Variants in ST6GALNAC3 observed in about 807,000 individuals in gnomAD.
The protein encoded by ST6GALNAC3 is alpha-N-acetylgalactosaminide alpha-2,6-sialyltransferase 3.
ST6GALNAC3 carries 25 observed loss-of-function variants against 32.7 expected under a neutral mutation model. The observed-to-expected ratio is 0.76, with a 90% CI of 0.56 to 1.07. ST6GALNAC3 has a LOEUF of 1.07. Ranked by LOEUF, ST6GALNAC3 falls within the 50% of genes least tolerant of loss-of-function variation. ST6GALNAC3 has a pLI of 0.00. For missense variants in ST6GALNAC3, 355 were observed against 382.4 expected (o/e 0.93, Z 0.60); for synonymous variants, 129 against 133.1 (o/e 0.97, Z 0.21).
intron 2 of ST6GALNAC3, among the ~76,000 whole-genome samples, chr1:76,363,794 A>C (rs906275814): frequency 2.0e-5 from 3 of 152,164 alleles, no homozygotes; most frequent in African/African-American, 7.2e-5. Context: ...GGGAGTTGGC[A>C]CTTCACATGG....
chr1:76,581,487 G>A (rs1459776525), intron 3 of ST6GALNAC3, among the ~76,000 whole-genome samples: 1 of 152,092 alleles, frequency 6.6e-6, no homozygotes, highest in African/African-American at 2.4e-5. Flanking sequence ...CACAGCTGGG[G>A]AGCAATGGTA....
intron 3 of ST6GALNAC3, among the ~76,000 whole-genome samples, chr1:76,537,108 T>A (rs1663659877): frequency 6.6e-6 from 1 of 152,086 alleles, no homozygotes; most frequent in Non-Finnish European, 1.5e-5. Context: ...CTGCAACAAA[T>A]GCAAAAAAAC....
chr1:76,270,037 G>C (rs1658748079), intron 1 of ST6GALNAC3, among the ~76,000 whole-genome samples: 3 of 152,072 alleles, frequency 2.0e-5, no homozygotes, highest in Admixed American at 1.3e-4. Flanking sequence ...GGGATTCATG[G>C]GCATTTGCAT....
chr1:76,193,561 T>A (rs1473291662), intron 1 of ST6GALNAC3, among the ~76,000 whole-genome samples: 1 of 152,166 alleles, frequency 6.6e-6, no homozygotes, highest in African/African-American at 2.4e-5. Flanking sequence ...AAAGCCTTGG[T>A]AGCTGTAGTA....
chr1:76,151,618 C>G (rs906169946), intron 1 of ST6GALNAC3, among the ~76,000 whole-genome samples: 1 of 152,176 alleles, frequency 6.6e-6, no homozygotes, highest in African/African-American at 2.4e-5. Flanking sequence ...CCACTGGGAA[C>G]GTCTGGGAAA....
rs539292763 is a variant in ST6GALNAC3 at position 76,083,369 on chromosome 1, G to A, written c.18+8485G>A. 2.0e-5 allele frequency among the ~76,000 whole-genome samples: 3 copies of A among 152,386 alleles called. No individual in the cohort carries two copies. The South Asian group carries it at 6.2e-4, about 32-fold the overall frequency. On this transcript the variant is annotated intron_variant, in intron 1 of 4. Coordinates refer to ENST00000328299, the MANE Select transcript of ST6GALNAC3 (RefSeq NM_152996.4). ...CGCGGCTGGCCGCGACAATGGGCTG[G>A]ACTCGAAAGAAAGAGAAGTGAAAGT...
chr1:76,343,136 A>T (rs558834568), intron 2 of ST6GALNAC3, among the ~76,000 whole-genome samples: 45 of 152,220 alleles, frequency 3.0e-4, no homozygotes, highest in African/African-American at 8.9e-4. Flanking sequence ...TCTTCATCAT[A>T]ACTTATTTGC....
At chr1:76,290,930 G>A (rs1660047093) in intron 1 of ST6GALNAC3, among the ~76,000 whole-genome samples, 1 of 152,146 alleles carries the variant, frequency 6.6e-6, no homozygotes, top group South Asian at 2.1e-4. Context: ...TTTACCGAGC[G>A]AGCTGTTGAG....
At chr1:76,104,993 G>A (rs1011564793) in intron 1 of ST6GALNAC3, among the ~76,000 whole-genome samples, 1 of 152,078 alleles carries the variant, frequency 6.6e-6, no homozygotes, top group Non-Finnish European at 1.5e-5. Context: ...CAACACGTGG[G>A]AATTCAAGAT....
chr1:76,605,191 A>G (rs566509766), intron 3 of ST6GALNAC3, among the ~76,000 whole-genome samples: 1 of 152,296 alleles, frequency 6.6e-6, no homozygotes, highest in Admixed American at 6.5e-5. Context: ...TAGTTTAGAA[A>G]AGGAAGTGAC....
At chr1:76,493,931 G>A (rs1410939788) in intron 3 of ST6GALNAC3, among the ~76,000 whole-genome samples, 1 of 152,122 alleles carries the variant, frequency 6.6e-6, no homozygotes, top group African/African-American at 2.4e-5. Flanking sequence ...CACACCTCCA[G>A]ATTTGTCCTC....
chr1:76,314,756 T>G (rs188989328), intron 2 of ST6GALNAC3, among the ~76,000 whole-genome samples: 1 of 152,300 alleles, frequency 6.6e-6, no homozygotes, highest in East Asian at 1.9e-4. Context: ...GAATGTGAGT[T>G]TAATATTCAG....
intron 3 of ST6GALNAC3, among the ~76,000 whole-genome samples, chr1:76,527,223 C>T (rs1175640484): frequency 6.6e-6 from 1 of 152,096 alleles, no homozygotes; most frequent in Non-Finnish European, 1.5e-5. Context: ...ACACAGAAAG[C>T]TTGCTTCATC....
chr1:76,626,902 G>A (rs1409523718), intron 3 of ST6GALNAC3, among the ~76,000 whole-genome samples: 1 of 151,892 alleles, frequency 6.6e-6, no homozygotes, highest in East Asian at 1.9e-4. Context: ...AAAAGGAAAA[G>A]TCTTGTCTTA....
intron 2 of ST6GALNAC3, among the ~76,000 whole-genome samples, chr1:76,323,454 G>T (rs1195974103): frequency 6.6e-6 from 1 of 152,006 alleles, no homozygotes; most frequent in East Asian, 1.9e-4. Flanking sequence ...GTCTTTCATT[G>T]TCCTGTGTGG....
chr1:76,627,481 G>T lies in ST6GALNAC3; in HGVS notation c.653G>T (p.Gly218Val). Residue 218 changes from glycine to valine, a missense_variant, in exon 4 of 5, where the codon GGG becomes GTG. Physicochemically the swap from Gly to Val is moderately radical, Grantham distance 109 (BLOSUM62 -3). Coordinates refer to ENST00000328299, the MANE Select transcript of ST6GALNAC3 (RefSeq NM_152996.4). ...CAGTCTGGCTCATATCTCAGCACAG[G>T]GTGGTTTACCTTCCTTCTGGCCATG... ...RVQSGSYLST[G>V]WFTFLLAMDA... The T allele has an allele frequency of 6.2e-7, 1 of 1,612,560 alleles. No individual in the cohort carries two copies. The highest frequency in any genetic ancestry group is 8.5e-7 in the Non-Finnish European group (1 of 1,178,976).
chr1:76,155,245 G>A (rs1651322512), intron 1 of ST6GALNAC3, among the ~76,000 whole-genome samples: 1 of 152,028 alleles, frequency 6.6e-6, no homozygotes. Flanking sequence ...AGAACATAAA[G>A]GACTCAGCAA....
At chr1:76,503,692 A>T (rs540653211) in intron 3 of ST6GALNAC3, among the ~76,000 whole-genome samples, 7 of 152,320 alleles carry the variant, frequency 4.6e-5, no homozygotes, top group African/African-American at 1.7e-4. Flanking sequence ...CCTGCTCTAA[A>T]CATTCTGTTC....
intron 3 of ST6GALNAC3, among the ~76,000 whole-genome samples, chr1:76,521,855 G>T (rs538356082): frequency 2.6e-5 from 4 of 152,220 alleles, no homozygotes; most frequent in African/African-American, 9.6e-5. Flanking sequence ...GATTGCCTGA[G>T]CTCAGGAGTT....
Sources: gnomAD v4.1 joint callset for allele counts (sites outside exome capture counted in the v4.1 genomes callset) on GRCh38, gnomAD v4.1.1 for gene constraint, MANE v1.5 for transcripts, NCBI Gene and HGNC (gene_info 2026-07-23, HGNC 2026-07-21) for gene names.